Variants in MTMR3 observed in about 807,000 individuals in gnomAD.
MTMR3 encodes myotubularin related protein 3, also known as phosphatidylinositol-3,5-bisphosphate 3-phosphatase MTMR3.
A neutral mutation model predicts 132.4 loss-of-function variants in MTMR3; 32 were observed. The ratio of observed to expected loss-of-function variants is 0.24; its 90% CI spans 0.18 to 0.32. The LOEUF (loss-of-function observed/expected upper bound fraction) is 0.32. MTMR3 is among the 10% of genes least tolerant of loss of function. MTMR3 has a pLI of 1.00. For synonymous variants in MTMR3, 556 were observed against 550.3 expected, an observed-to-expected ratio of 1.01 and a Z score of -0.14; for missense variants, 1,216 against 1,489.6, an observed-to-expected ratio of 0.82 and a Z score of 3.02.
Position 30,025,687 on chromosome 22 carries a change from C to G in MTMR3, c.3483C>G (p.Ser1161Arg). Residue 1161 changes from serine to arginine, a missense_variant, in exon 20 of 20, where the codon AGC becomes AGG. Physicochemically the swap from Ser to Arg is moderately radical, Grantham distance 110. This residue lies in a region of MTMR3 where 852 missense variants were observed against 852.0 expected (regional missense o/e 1.00). Coordinates refer to ENST00000401950, the MANE Select transcript of MTMR3 (RefSeq NM_021090.4). ...SCCNQKVPVP[S>R]QQLFEPSRVC... ...GTAACCAGAAGGTTCCAGTTCCCAGCCAGCAGCTCTTTGAACCCAGTCGAG... is the reference window on the plus strand; with the variant it reads ...GTAACCAGAAGGTTCCAGTTCCCAGGCAGCAGCTCTTTGAACCCAGTCGAG... 2 of 1,614,182 alleles carry G rather than the reference C, an allele frequency of 1.2e-6. No individual in the cohort carries two copies. The highest frequency in any genetic ancestry group is 1.7e-6 in the Non-Finnish European group (2 of 1,180,016).
chr22:29,932,165 A>T (rs2065659670), intron 1 of MTMR3, among the ~76,000 whole-genome samples: 1 of 152,202 alleles, frequency 6.6e-6, no homozygotes, highest in Non-Finnish European at 1.5e-5. Flanking sequence ...TAATTATAAA[A>T]ATTGAGATGT....
At chr22:29,962,063 C>T (rs2066323116) in intron 2 of MTMR3, among the ~76,000 whole-genome samples, 1 of 152,198 alleles carries the variant, frequency 6.6e-6, no homozygotes, top group Non-Finnish European at 1.5e-5. Context: ...GCTAATGATG[C>T]ATTTCTCAAA....
intron 13 of MTMR3, 80 bp from the exon 14 acceptor site, chr22:30,013,276 C>T: frequency 1.3e-6 from 2 of 1,482,668 alleles, no homozygotes; most frequent in Non-Finnish European, 1.8e-6. Flanking sequence ...GAGGGGATTG[C>T]TTTCTGTGAC....
intron 9 of MTMR3, 22 bp downstream of exon 9, chr22:30,003,015 C>G: frequency 6.3e-7 from 1 of 1,585,626 alleles, no homozygotes; most frequent in Non-Finnish European, 8.7e-7. Flanking sequence ...TGGACCAGTC[C>G]CAGCTTGGGC....
At chr22:29,906,249 T>TCC (rs1568998185) in intron 1 of MTMR3, among the ~76,000 whole-genome samples, 2 of 100,132 alleles carry the variant, frequency 2.0e-5, no homozygotes, top group East Asian at 3.5e-4. Context: ...TCCATCCGTC[T>TCC]GTCTGTCTGT....
rs1190177744 is a variant in MTMR3 at position 30,030,752 on chromosome 22, G to A, written c.*4951G>A. The A allele has an allele frequency of 6.6e-6, 1 of 152,140 alleles. No homozygotes were observed. Among genetic ancestry groups the A allele is most frequent in the Non-Finnish European group, 1.5e-5 (1 of 68,006 alleles). 9.4% of individuals were successfully genotyped at this position (152,140 alleles called of 1,614,324 possible). On this transcript the variant is annotated 3_prime_UTR_variant, in exon 20 of 20. Transcript: ENST00000401950. ...CACGGTTTTCATACTGTTCTCTGGG[G>A]CCTCGTGGAGAGGGAGCCTCCAGGC...
intron 8 of MTMR3, 36 bp downstream of exon 8, chr22:29,998,893 C>A: frequency 1.4e-6 from 2 of 1,455,910 alleles, no homozygotes; most frequent in Non-Finnish European, 1.9e-6. Flanking sequence ...TGTTTCACAG[C>A]CAGTGCCTTT....
At chr22:29,949,195 G>A (rs1388830556) in intron 1 of MTMR3, among the ~76,000 whole-genome samples, 3 of 125,412 alleles carry the variant, frequency 2.4e-5, no homozygotes, top group Middle Eastern at 6.7e-3. Flanking sequence ...ACATGCGTGC[G>A]CGTGCACGCG....
chr22:29,982,211 TAAAAAAAAAAAAAAAAA>T (rs71328819), intron 5 of MTMR3: 1 of 41,142 alleles, frequency 2.4e-5, no homozygotes, highest in East Asian at 1.1e-3. Flanking sequence ...TCTGTCTCAT[TAAAAAAAAAAAAAAAAA>T]AAAAAAAAAA....
chr22:29,890,434 C>T (rs1034132766), intron 1 of MTMR3, among the ~76,000 whole-genome samples: 3 of 151,974 alleles, frequency 2.0e-5, no homozygotes, highest in African/African-American at 7.2e-5. Flanking sequence ...CAGAGAATCA[C>T]TTGAACCCAG....
intron 2 of MTMR3, among the ~76,000 whole-genome samples, chr22:29,970,718 A>T (rs1832617439): frequency 6.6e-6 from 1 of 152,018 alleles, no homozygotes; most frequent in Non-Finnish European, 1.5e-5. Flanking sequence ...TAGGAATGTT[A>T]GCCTTTGATA....
At chr22:29,914,262 C>G (rs1017727424) in intron 1 of MTMR3, among the ~76,000 whole-genome samples, 1 of 152,134 alleles carries the variant, frequency 6.6e-6, no homozygotes, top group African/African-American at 2.4e-5. Flanking sequence ...CTTGTTGATG[C>G]TTGGTATTGT....
intron 1 of MTMR3, among the ~76,000 whole-genome samples, chr22:29,925,640 G>A (rs974056548): frequency 8.5e-5 from 13 of 152,084 alleles, no homozygotes; most frequent in Admixed American, 2.6e-4. Context: ...CTAGGGCCGG[G>A]CATGGTGGCT....
At chr22:29,892,610 C>T (rs191416514) in intron 1 of MTMR3, among the ~76,000 whole-genome samples, 41 of 152,158 alleles carry the variant, frequency 2.7e-4, no homozygotes, top group Admixed American at 1.1e-3. Flanking sequence ...GCTGCCTGCC[C>T]CCCAACCCCT....
chr22:29,898,346 A>G (rs2064941845), intron 1 of MTMR3, among the ~76,000 whole-genome samples: 1 of 152,132 alleles, frequency 6.6e-6, no homozygotes. Context: ...GGTATATTGC[A>G]TGAGGTTTGG....
intron 7 of MTMR3, chr22:29,992,924 T>C (rs2066992545): frequency 6.6e-6 from 1 of 152,248 alleles, no homozygotes; most frequent in South Asian, 2.1e-4. Context: ...ACAGGCAAGA[T>C]AGGTTGGTGT....
intron 1 of MTMR3, among the ~76,000 whole-genome samples, chr22:29,914,367 T>G (rs1163675443): frequency 6.6e-6 from 1 of 152,206 alleles, no homozygotes; most frequent in African/African-American, 2.4e-5. Context: ...ATGATTATCT[T>G]TTCATGTGCT....
At chr22:29,958,245 C>T (rs1191291966) in intron 2 of MTMR3, among the ~76,000 whole-genome samples, 1 of 152,076 alleles carries the variant, frequency 6.6e-6, no homozygotes, top group East Asian at 1.9e-4. Flanking sequence ...TTTATTAGTG[C>T]CTCTTGTTTC....
At position 30,020,424 on chromosome 22, in the gene MTMR3, G is replaced by A. The variant is rs764835237; in HGVS notation, c.2765G>A (p.Cys922Tyr). 6.2e-7 allele frequency: 1 copy of A among 1,614,216 alleles called. No individual in the cohort carries two copies. The highest frequency in any genetic ancestry group is 8.5e-7 in the Non-Finnish European group (1 of 1,180,048). ...RSPCALPLAECKEGLVCNGAP... is the reference protein window; with the variant it reads ...RSPCALPLAEYKEGLVCNGAP... The stretch of plus-strand genomic sequence containing the variant: ...CCTTGTGCCTTGCCTTTAGCCGAAT[G>A]TAAAGAGGGGCTTGTGTGCAATGGT... The change falls in exon 17 of 20, where the codon TGT (cysteine) becomes TAT (tyrosine). Residue 922 changes from cysteine (C) to tyrosine (Y), a missense_variant. By Grantham distance (194) the Cys-to-Tyr change is radical. This residue lies in a region of MTMR3 where 852 missense variants were observed against 852.0 expected (regional missense o/e 1.00). Transcript: ENST00000401950.
Sources: gnomAD v4.1 joint callset for allele counts (sites outside exome capture counted in the v4.1 genomes callset) on GRCh38, gnomAD v4.1.1 for gene constraint, gnomAD v4.1.1 regional missense constraint, MANE v1.5 for transcripts, NCBI Gene and HGNC (gene_info 2026-07-23, HGNC 2026-07-21) for gene names.